GALNT2: variants seen among roughly 807,000 people sequenced by gnomAD.
The protein encoded by GALNT2 is polypeptide N-acetylgalactosaminyltransferase 2.
GALNT2 carries 31 observed loss-of-function variants against 81.4 expected under a neutral mutation model. The observed-to-expected ratio is 0.38, with a 90% CI of 0.29 to 0.51. The LOEUF (loss-of-function observed/expected upper bound fraction) is 0.51. GALNT2 is among the 20% of genes least tolerant of loss of function. GALNT2 has a pLI of 0.87. For missense variants in GALNT2, 629 were observed against 765.7 expected (o/e 0.82, Z 2.11); for synonymous variants, 303 against 287.4 (o/e 1.05, Z -0.55).
In GALNT2 at chr1:230,187,227, C is replaced by T. The variant is rs376640401; in HGVS notation, c.220+8916C>T. Among the ~76,000 whole-genome samples, 8 of 152,366 alleles carry T rather than the reference C, an allele frequency of 5.3e-5. No homozygotes were observed. The South Asian group carries it at 1.4e-3, about 28-fold the overall frequency. On this transcript the variant is annotated intron_variant, in intron 2 of 15. Transcript: ENST00000366672. Reference sequence around the variant, plus strand: ...CCAACAGTCTCCAATTTTCTGATCGCACACTCTATGAACAGACGTATATTT... The same window carrying T: ...CCAACAGTCTCCAATTTTCTGATCGTACACTCTATGAACAGACGTATATTT...
intron 8 of GALNT2, among the ~76,000 whole-genome samples, chr1:230,248,597 A>C (rs1041796608): frequency 6.6e-6 from 1 of 152,212 alleles, no homozygotes; most frequent in Non-Finnish European, 1.5e-5. Flanking sequence ...CAGGTGCCAA[A>C]TATATCTGAA....
At chr1:230,134,350 G>A (rs1279814191) in intron 1 of GALNT2, among the ~76,000 whole-genome samples, 13 of 152,024 alleles carry the variant, frequency 8.6e-5, no homozygotes, top group African/African-American at 2.9e-4. Context: ...CTCATGATCC[G>A]CCCGCCTTGG....
At chr1:230,244,215 C>T (rs1665295953) in intron 7 of GALNT2, among the ~76,000 whole-genome samples, 1 of 151,958 alleles carries the variant, frequency 6.6e-6, no homozygotes, top group Non-Finnish European at 1.5e-5. Flanking sequence ...CCACAAGCTA[C>T]TAGGAATTAT....
chr1:230,195,990 C>T (rs1176132634), intron 2 of GALNT2, among the ~76,000 whole-genome samples: 2 of 152,214 alleles, frequency 1.3e-5, no homozygotes, highest in Admixed American at 6.5e-5. Context: ...CGTCAGCCTC[C>T]TCACTTTCGT....
chr1:230,160,639 A>G (rs1200068588), intron 1 of GALNT2, among the ~76,000 whole-genome samples: 4 of 151,188 alleles, frequency 2.6e-5, no homozygotes, highest in Non-Finnish European at 5.9e-5. Context: ...GCTTAAACCC[A>G]GGAGATGGAG....
chr1:230,199,899 T>C (rs1310725160), intron 2 of GALNT2, among the ~76,000 whole-genome samples: 1 of 152,190 alleles, frequency 6.6e-6, no homozygotes, highest in Admixed American at 6.5e-5. Flanking sequence ...TTTTTACTCA[T>C]GATTCAAATC....
chr1:230,242,947 C>T (rs1665244005), intron 6 of GALNT2, among the ~76,000 whole-genome samples: 1 of 152,180 alleles, frequency 6.6e-6, no homozygotes, highest in African/African-American at 2.4e-5. Flanking sequence ...TGGGTGACAC[C>T]TTCCTTAGCC....
At chr1:230,134,348 C>T (rs1038153566) in intron 1 of GALNT2, among the ~76,000 whole-genome samples, 5 of 152,148 alleles carry the variant, frequency 3.3e-5, no homozygotes, top group African/African-American at 1.2e-4. Flanking sequence ...ACCTCATGAT[C>T]CGCCCGCCTT....
At chr1:230,142,333 A>G (rs1240761050) in intron 1 of GALNT2, among the ~76,000 whole-genome samples, 3 of 152,168 alleles carry the variant, frequency 2.0e-5, no homozygotes, top group Non-Finnish European at 4.4e-5. Flanking sequence ...CGAGAACTCC[A>G]GGTGGCTCTT....
chr1:230,160,325 G>A (rs1662391168), intron 1 of GALNT2, among the ~76,000 whole-genome samples: 1 of 152,204 alleles, frequency 6.6e-6, no homozygotes, highest in Non-Finnish European at 1.5e-5. Flanking sequence ...GCGAGAGTGA[G>A]CCTTAGGAAG....
intron 3 of GALNT2, among the ~76,000 whole-genome samples, chr1:230,219,474 C>T (rs1664484042): frequency 6.6e-6 from 1 of 152,004 alleles, no homozygotes; most frequent in South Asian, 2.1e-4. Context: ...CCTCTCATTG[C>T]CACTCTTGGT....
intron 11 of GALNT2, among the ~76,000 whole-genome samples, chr1:230,260,095 T>C (rs1016488129): frequency 5.9e-5 from 9 of 152,258 alleles, no homozygotes; most frequent in African/African-American, 1.9e-4. Flanking sequence ...AAAGGCAGTT[T>C]CGTCACTATC....
intron 1 of GALNT2, among the ~76,000 whole-genome samples, chr1:230,131,867 A>G (rs1164660852): frequency 6.6e-6 from 1 of 152,226 alleles, no homozygotes; most frequent in Non-Finnish European, 1.5e-5. Flanking sequence ...GCCACCCAGA[A>G]GTGATGCTGA....
At chr1:230,270,798 C>A (rs990710007) in intron 14 of GALNT2, among the ~76,000 whole-genome samples, 1 of 152,116 alleles carries the variant, frequency 6.6e-6, no homozygotes, top group Admixed American at 6.5e-5. Context: ...AATGGCCATG[C>A]CTTTTAAGAG....
At chr1:230,165,531 G>T (rs1166334555) in intron 1 of GALNT2, among the ~76,000 whole-genome samples, 1 of 152,204 alleles carries the variant, frequency 6.6e-6, no homozygotes, top group Non-Finnish European at 1.5e-5. Context: ...TCGCTTTCTA[G>T]TTCTTGATGT....
intron 1 of GALNT2, among the ~76,000 whole-genome samples, chr1:230,058,406 C>T (rs925912683): frequency 1.3e-5 from 2 of 152,164 alleles, no homozygotes; most frequent in South Asian, 2.1e-4. Flanking sequence ...TGTGCTCGGT[C>T]GCTTTCCTGC....
Position 230,095,345 on chromosome 1 carries a change from A to G in GALNT2, c.126+27939A>G, listed in dbSNP as rs12563909. ...TTCACCTATCCGTTATAGAAACTCC[A>G]TGAGGCGTTTTTATTATCCCCATTT... On this transcript the variant is annotated intron_variant, in intron 1 of 15. Transcript: ENST00000366672. 5.1e-4 allele frequency among the ~76,000 whole-genome samples: 77 copies of G among 152,232 alleles called. 1 individual carries two copies. The East Asian group carries it at 0.013, about 26-fold the overall frequency.
chr1:230,264,845 A>G (rs373997033), intron 13 of GALNT2: 3 of 159,598 alleles, frequency 1.9e-5, no homozygotes, highest in African/African-American at 7.2e-5. Context: ...TCCCGTCTTT[A>G]CTGGATAAAG....
chr1:230,164,375 G>A (rs922457201), intron 1 of GALNT2, among the ~76,000 whole-genome samples: 6 of 152,154 alleles, frequency 3.9e-5, no homozygotes, highest in African/African-American at 9.7e-5. Flanking sequence ...GGTGATAAGC[G>A]CACAAGATCA....
Sources: gnomAD v4.1 joint callset for allele counts (sites outside exome capture counted in the v4.1 genomes callset) on GRCh38, gnomAD v4.1.1 for gene constraint, MANE v1.5 for transcripts, NCBI Gene and HGNC (gene_info 2026-07-23, HGNC 2026-07-21) for gene names.